Variants in C16orf89 observed in about 807,000 individuals in gnomAD.
The protein encoded by C16orf89 is chromosome 16 open reading frame 89, also known as UPF0764 protein C16orf89.
In C16orf89, 57 loss-of-function variants were observed where a neutral mutation model predicts 41.5. That is an observed-to-expected ratio of 1.38 (90% CI 1.11 to 1.71). The LOEUF (loss-of-function observed/expected upper bound fraction) is 1.71. C16orf89 is among the 40% of genes most tolerant of loss of function. The pLI is 0.00. For missense variants in C16orf89, 575 were observed against 445.9 expected, an observed-to-expected ratio of 1.29 and a Z score of -2.61; for synonymous variants, 223 against 190.6, an observed-to-expected ratio of 1.17 and a Z score of -1.40.
At chr16:5,044,833 G>C in intron 7 of C16orf89, 2 of 1,240,228 alleles carry the variant, frequency 1.6e-6, no homozygotes, top group Non-Finnish European at 2.1e-6. Context: ...AACAGAGCGA[G>C]AATCTGTCTC....
chr16:5,050,961 A>T (rs1377148784), intron 6 of C16orf89, among the ~76,000 whole-genome samples: 2 of 152,226 alleles, frequency 1.3e-5, no homozygotes, highest in African/African-American at 4.8e-5. Context: ...TCATATAATC[A>T]TCTTAATAGA....
intron 3 of C16orf89, among the ~76,000 whole-genome samples, chr16:5,059,349 C>T (rs757823518): frequency 1.6e-4 from 25 of 151,862 alleles, no homozygotes; most frequent in Non-Finnish European, 3.5e-4. Flanking sequence ...ATCTGTAATC[C>T]CAGCTACTCA....
chr16:5,056,815 G>T (rs1956517687), intron 4 of C16orf89, among the ~76,000 whole-genome samples: 1 of 152,192 alleles, frequency 6.6e-6, no homozygotes, highest in African/African-American at 2.4e-5. Context: ...GGCTGTCACA[G>T]CTTGCAGAGA....
At chr16:5,054,413 G>T (rs1956452057) in intron 6 of C16orf89, among the ~76,000 whole-genome samples, 1 of 152,140 alleles carries the variant, frequency 6.6e-6, no homozygotes, top group African/African-American at 2.4e-5. Context: ...CTCCCATGTA[G>T]TTGTTCCCAG....
At chr16:5,052,734 C>T (rs149183534) in intron 6 of C16orf89, among the ~76,000 whole-genome samples, 516 of 152,166 alleles carry the variant, frequency 3.4e-3, no homozygotes, top group South Asian at 7.7e-3. Flanking sequence ...TGTCAAAAAG[C>T]TAAAAATAGG....
intron 1 of C16orf89, among the ~76,000 whole-genome samples, chr16:5,064,189 G>A (rs977289291): frequency 6.6e-6 from 1 of 152,052 alleles, no homozygotes; most frequent in African/African-American, 2.4e-5. Flanking sequence ...TTTAATGCAC[G>A]TGAATTGTCC....
At chr16:5,045,866 C>A (rs545981972) in intron 7 of C16orf89, among the ~76,000 whole-genome samples, 79 of 152,330 alleles carry the variant, frequency 5.2e-4, no homozygotes, top group African/African-American at 1.5e-3. Context: ...CAGCACACCC[C>A]TCCTGGGCAG....
At position 5,052,420 on chromosome 16, in the gene C16orf89, T is replaced by C. The variant is rs59976998; in HGVS notation, c.868+2826A>G. On this transcript the variant is annotated intron_variant, in intron 6 of 7. Transcript: ENST00000472572. Reference sequence around the variant, plus strand: ...GCTTGGGCAACATGGCGAAACTCTGTCTCTACAAAAAATACAAAAATTAGC... The same window carrying C: ...GCTTGGGCAACATGGCGAAACTCTGCCTCTACAAAAAATACAAAAATTAGC... 3.5e-3 allele frequency among the ~76,000 whole-genome samples: 525 copies of C among 152,088 alleles called. 9 individuals are homozygous for C. The highest frequency in any genetic ancestry group is 0.012 in the African/African-American group (511 of 41,522).
intron 6 of C16orf89, among the ~76,000 whole-genome samples, chr16:5,050,963 C>G (rs911088272): frequency 6.6e-5 from 10 of 152,188 alleles, no homozygotes; most frequent in Non-Finnish European, 1.5e-4. Flanking sequence ...ATATAATCAT[C>G]TTAATAGATG....
intron 2 of C16orf89, 44 bp from the exon 3 acceptor site, chr16:5,060,480 C>G (rs776146511): frequency 1.7e-5 from 27 of 1,570,804 alleles, no homozygotes; most frequent in Admixed American, 5.3e-5. Flanking sequence ...TGGGGGTGAC[C>G]CAGGAGCAGT....
At chr16:5,048,936 G>GA (rs200854748) in intron 6 of C16orf89, among the ~76,000 whole-genome samples, 92 of 149,052 alleles carry the variant, frequency 6.2e-4, no homozygotes, top group South Asian at 1.6e-3. Context: ...CTGAATGAAT[G>GA]AAAAAAAACG....
Position 5,062,422 on chromosome 16 carries a change from C to T in C16orf89, c.358+3G>A. 1.9e-6 allele frequency: 3 copies of T among 1,609,000 alleles called. No individual in the cohort carries two copies. Among genetic ancestry groups the T allele is most frequent in the Non-Finnish European group, 2.5e-6 (3 of 1,177,948 alleles). On this transcript the variant is annotated splice_donor_region_variant and intron_variant, in intron 2 of 7. Coordinates refer to ENST00000472572, the MANE Select transcript of C16orf89 (RefSeq NM_001098514.3). ...GGGAATGGGACACCCTGCGTGTGCT[C>T]ACCTCTTAGGTACTTGGGATCACTC... is the stretch of plus-strand genomic sequence containing the variant.
chr16:5,056,133 C>T lies in C16orf89; in HGVS notation c.683G>A (p.Cys228Tyr). The T allele has an allele frequency of 1.3e-6, 2 of 1,599,626 alleles. No homozygotes were observed. Among genetic ancestry groups the T allele is most frequent in the Non-Finnish European group, 1.7e-6 (2 of 1,167,726 alleles). ...GCGGTTCAAGTCCATCATGTTGGCG[C>T]AGAAGAGGTTGATATAGTCCTGGCT... ...QQSQDYINLF[C>Y]ANMMDLNRRA... Residue 228 changes from cysteine (C) to tyrosine (Y), a missense_variant, in exon 5 of 8, where the codon TGC becomes TAC. Transcript: ENST00000472572.
chr16:5,060,034 G>A (rs548292832), intron 3 of C16orf89, among the ~76,000 whole-genome samples: 7 of 152,076 alleles, frequency 4.6e-5, no homozygotes, highest in African/African-American at 1.7e-4. Context: ...TTGTCCTGGG[G>A]CCTGGAGGTG....
chr16:5,055,891 A>G, intron 5 of C16orf89, 162 bp downstream of exon 5: 2 of 1,257,040 alleles, frequency 1.6e-6, no homozygotes, highest in African/African-American at 1.5e-5. Context: ...CTGAAGTTCA[A>G]ATTTAACTGA....
At chr16:5,045,327 T>G (rs1266403606) in intron 7 of C16orf89, among the ~76,000 whole-genome samples, 1 of 152,216 alleles carries the variant, frequency 6.6e-6, no homozygotes, top group Admixed American at 6.5e-5. Context: ...TTGCCTCTGG[T>G]CTGCCTGGTC....
At position 5,062,556 on chromosome 16, in the gene C16orf89, C is replaced by T. The variant is rs370739654; in HGVS notation, c.227G>A (p.Arg76Gln). ...RVLEEQLKSVREKWAQEPLLQ... is the reference protein window; with the variant it reads ...RVLEEQLKSVQEKWAQEPLLQ... ...CAGGGGCTCCTGGGCCCACTTCTCC[C>T]GGACACTTTTTAGCTGCTCTGGAAG... The change falls in exon 2 of 8, where the codon CGG (arginine) becomes CAG (glutamine). Residue 76 changes from arginine to glutamine, a missense_variant. Transcript: ENST00000472572. The T allele has an allele frequency of 2.1e-4, 333 of 1,611,844 alleles. No individual in the cohort carries two copies. The African/African-American group carries it at 3.1e-3, about 15-fold the overall frequency.
chr16:5,055,059 A>G (rs1956465428), intron 6 of C16orf89, among the ~76,000 whole-genome samples, 187 bp downstream of exon 6: 6 of 152,122 alleles, frequency 3.9e-5, no homozygotes, highest in Admixed American at 3.9e-4. Context: ...GTCTTGCCAC[A>G]TTTTGGCTTC....
Position 5,065,839 on chromosome 16 carries a change from G to C in C16orf89, c.70C>G (p.Pro24Ala), listed in dbSNP as rs764980862. ...TTACTTTCAGCAGTGTCCAGCCCAG[G>C]CAGTGAGGAGGACCACAGCGGTGGC... ...ALPPLWSSSL[P>A]GLDTAESKAT... is the part of the protein sequence containing the mutation. The change falls in exon 1 of 8, where the codon CCT becomes GCT. Residue 24 changes from proline (P) to alanine (A), a missense_variant. Physicochemically the swap from Pro to Ala is conservative, Grantham distance 27. Coordinates refer to ENST00000472572, the MANE Select transcript of C16orf89 (RefSeq NM_001098514.3). 2 of 1,614,248 alleles carry C rather than the reference G, an allele frequency of 1.2e-6. No homozygotes were observed. The highest frequency in any genetic ancestry group is 1.7e-6 in the Non-Finnish European group (2 of 1,180,034).
Sources: gnomAD v4.1 joint callset for allele counts (sites outside exome capture counted in the v4.1 genomes callset) on GRCh38, gnomAD v4.1.1 for gene constraint, MANE v1.5 for transcripts, NCBI Gene and HGNC (gene_info 2026-07-23, HGNC 2026-07-21) for gene names.